Variants in IL1RAPL1 observed in about 807,000 individuals in gnomAD.
The protein encoded by IL1RAPL1 is interleukin-1 receptor accessory protein-like 1.
In IL1RAPL1, 3 loss-of-function variants were observed where a neutral mutation model predicts 48.4. That is an observed-to-expected ratio of 0.06 (90% CI 0.03 to 0.16). The LOEUF is 0.16. Ranked by LOEUF, IL1RAPL1 falls within the 10% of genes least tolerant of loss-of-function variation. The probability of loss-of-function intolerance (pLI) is 1.00; values close to 1 mark genes in which losing one functional copy is unlikely to be tolerated. For missense variants in IL1RAPL1, 349 were observed against 530.6 expected, an observed-to-expected ratio of 0.66 and a Z score of 3.36; for synonymous variants, 185 against 187.7, an observed-to-expected ratio of 0.99 and a Z score of 0.12.
intron 6 of IL1RAPL1, among the ~76,000 whole-genome samples, chrX:29,743,196 T>C (rs1356351855): frequency 9.3e-6 from 1 of 107,979 alleles, no homozygotes; most frequent in Non-Finnish European, 1.9e-5. Flanking sequence ...TGTATATTAG[T>C]TTAAATTATA....
chrX:29,522,190 C>T (rs1319487466), intron 5 of IL1RAPL1, among the ~76,000 whole-genome samples: 1 of 110,908 alleles, frequency 9.0e-6, no homozygotes, highest in Non-Finnish European at 1.9e-5. Context: ...ATCTCACTCT[C>T]TCTCTCTCAC....
intron 5 of IL1RAPL1, among the ~76,000 whole-genome samples, chrX:29,469,910 A>G (rs1934903532): frequency 8.9e-6 from 1 of 112,052 alleles, no homozygotes. Context: ...ATGGTTCATG[A>G]TATGGAGACT....
chrX:28,988,962 A>G (rs1261997774), intron 2 of IL1RAPL1, among the ~76,000 whole-genome samples: 2 of 112,045 alleles, frequency 1.8e-5, no homozygotes, highest in African/African-American at 6.5e-5. Flanking sequence ...CAAGTTAGGT[A>G]CATGAGGCCA....
intron 6 of IL1RAPL1, among the ~76,000 whole-genome samples, chrX:29,676,061 C>T (rs1926278295): frequency 9.0e-6 from 1 of 111,364 alleles, no homozygotes; most frequent in African/African-American, 3.3e-5. Flanking sequence ...AGTAGTGGCT[C>T]CCAGTTGAAA....
chrX:29,647,948 A>C lies in IL1RAPL1; in HGVS notation c.704-20482A>C, dbSNP rs976521756. ...AGGACACACAGAGACTGAAAGTGAA[A>C]GTATGAAAAAGATATTGCATGTAAA... On this transcript the variant is annotated intron_variant, in intron 5 of 10. Coordinates refer to ENST00000378993, the MANE Select transcript of IL1RAPL1 (RefSeq NM_014271.4). Among the ~76,000 whole-genome samples, 43 of 111,968 alleles carry C rather than the reference A, an allele frequency of 3.8e-4. 1 individual carries two copies. The highest frequency in any genetic ancestry group is 1.1e-4 in the Non-Finnish European group (6 of 53,153).
intron 1 of IL1RAPL1, among the ~76,000 whole-genome samples, chrX:28,725,199 C>G (rs776700194): frequency 2.6e-4 from 29 of 110,571 alleles, no homozygotes; most frequent in Non-Finnish European, 5.3e-4. Context: ...ATCCACCTGT[C>G]TCGGCCTCCC....
chrX:29,510,935 T>C (rs1189714809), intron 5 of IL1RAPL1, among the ~76,000 whole-genome samples: 1 of 111,899 alleles, frequency 8.9e-6, no homozygotes, highest in African/African-American at 3.2e-5. Context: ...CTTTCTCTAC[T>C]GAACTCAGAT....
chrX:29,817,570 G>A (rs146206184), intron 6 of IL1RAPL1, among the ~76,000 whole-genome samples: 9 of 111,343 alleles, frequency 8.1e-5, no homozygotes, highest in African/African-American at 2.9e-4. Flanking sequence ...GTCTCTCTGG[G>A]AAACCCCATT....
At chrX:28,700,718 G>A (rs1295757537) in intron 1 of IL1RAPL1, among the ~76,000 whole-genome samples, 1 of 109,957 alleles carries the variant, frequency 9.1e-6, no homozygotes, top group African/African-American at 3.3e-5. Flanking sequence ...CCCACCCTCC[G>A]ACAGGCCCCA....
In IL1RAPL1 at chrX:29,240,221, TATA is replaced by T. The variant is rs1256424315; in HGVS notation, c.83-42716_83-42714del. Among the ~76,000 whole-genome samples, 44 of 21,997 alleles carry T rather than the reference TATA, an allele frequency of 2.0e-3. 1 individual carries two copies. Among genetic ancestry groups the T allele is most frequent in the East Asian group, 8.4e-3 (6 of 713 alleles). 19.1% of individuals were successfully genotyped at this position (21,997 alleles called of 115,157 possible). A position where few individuals can be genotyped will look rare whatever the true frequency, so the allele number is the denominator to read the frequency against. On this transcript the variant is annotated intron_variant, in intron 2 of 10. Coordinates refer to ENST00000378993, the MANE Select transcript of IL1RAPL1 (RefSeq NM_014271.4). ...ATATATATATATATATATATATATA[TATA>T]TTTTTTTTTTTTTTTTTTTTTTTTT...
At chrX:29,104,379 A>C in intron 2 of IL1RAPL1, among the ~76,000 whole-genome samples, 1 of 111,991 alleles carries the variant, frequency 8.9e-6, no homozygotes, top group Non-Finnish European at 1.9e-5. Context: ...ACAGAAATAG[A>C]AACATTGCAT....
intron 2 of IL1RAPL1, among the ~76,000 whole-genome samples, chrX:29,029,964 G>T (rs1213741185): frequency 3.0e-5 from 3 of 98,691 alleles, no homozygotes; most frequent in African/African-American, 3.8e-5. Context: ...TTTGGCTTGT[G>T]GATGTCCAAT....
chrX:29,829,948 C>G (rs1324756105), intron 6 of IL1RAPL1, among the ~76,000 whole-genome samples: 1 of 111,949 alleles, frequency 8.9e-6, no homozygotes, highest in Admixed American at 9.5e-5. Flanking sequence ...ATATGATTCT[C>G]TTTGTAGGCT....
At chrX:29,655,651 CAA>C (rs746998144) in intron 5 of IL1RAPL1, among the ~76,000 whole-genome samples, 250 of 26,749 alleles carry the variant, frequency 9.3e-3, no homozygotes, top group African/African-American at 0.036. Context: ...TGACAGTCTC[CAA>C]AAAAAAAAAA....
chrX:28,847,710 C>G (rs1921547692), intron 2 of IL1RAPL1, among the ~76,000 whole-genome samples: 1 of 111,601 alleles, frequency 9.0e-6, no homozygotes, highest in African/African-American at 3.3e-5. Context: ...CATTCCCGCT[C>G]CCCTGCCTGT....
intron 1 of IL1RAPL1, among the ~76,000 whole-genome samples, chrX:28,712,279 C>A (rs1232836328): frequency 9.0e-6 from 1 of 110,522 alleles, no homozygotes; most frequent in East Asian, 2.8e-4. Flanking sequence ...AGAAACCTAC[C>A]TACTGACTTT....
intron 5 of IL1RAPL1, among the ~76,000 whole-genome samples, chrX:29,570,494 A>G (rs191526491): frequency 1.4e-4 from 16 of 112,551 alleles, no homozygotes; most frequent in Admixed American, 4.7e-4. Flanking sequence ...ATACATTACT[A>G]CTTAAAAGTA....
intron 2 of IL1RAPL1, among the ~76,000 whole-genome samples, chrX:28,972,360 G>C (rs183271163): frequency 2.3e-3 from 255 of 112,201 alleles, no homozygotes; most frequent in African/African-American, 7.5e-3. Flanking sequence ...GTCTTGCTTT[G>C]CAGCAGAAGA....
chrX:29,140,240 C>T (rs1929218190), intron 2 of IL1RAPL1, among the ~76,000 whole-genome samples: 1 of 111,898 alleles, frequency 8.9e-6, no homozygotes, highest in South Asian at 3.7e-4. Context: ...GACCCAAACA[C>T]CTCTCACTAG....
Sources: allele counts gnomAD v4.1 joint callset (sites outside exome capture counted in the v4.1 genomes callset), GRCh38; gene constraint gnomAD v4.1.1; transcripts MANE v1.5; gene names NCBI Gene and HGNC (gene_info 2026-07-23, HGNC 2026-07-21).